SPG7: variants seen among roughly 807,000 people sequenced by gnomAD.
SPG7 encodes SPG7 matrix AAA peptidase subunit, paraplegin, also known as mitochondrial inner membrane m-AAA protease component paraplegin.
A neutral mutation model predicts 81.9 loss-of-function variants in SPG7; 103 were observed. The ratio of observed to expected loss-of-function variants is 1.26; its 90% CI spans 1.07 to 1.48. The LOEUF (loss-of-function observed/expected upper bound fraction) is 1.48. Among genes scored for constraint, SPG7 ranks in the 40% most tolerant of loss-of-function variants. SPG7 has a pLI of 0.00. For missense variants in SPG7, 1,241 were observed against 1,087.3 expected, an observed-to-expected ratio of 1.14 and a Z score of -1.99; for synonymous variants, 534 against 444.2, an observed-to-expected ratio of 1.20 and a Z score of -2.54.
intron 5 of SPG7, chr16:89,527,018 A>G (rs2058273024): frequency 4.1e-6 from 1 of 241,780 alleles, no homozygotes; most frequent in Admixed American, 5.2e-5. Flanking sequence ...AAATGCCGAA[A>G]TCTTTGTGTG....
intron 5 of SPG7, chr16:89,528,604 T>A (rs55684421): frequency 0.52 from 60,241 of 115,418 alleles, 13,354 homozygotes; most frequent in East Asian, 0.72. Context: ...TGGGATTTGC[T>A]TTTTTTTTTT....
chr16:89,546,405 T>TG, intron 10 of SPG7: 1 of 448,472 alleles, frequency 2.2e-6, no homozygotes, highest in Non-Finnish European at 4.2e-6. Context: ...TGGCCAGGCA[T>TG]GGTGGCTCAC....
Position 89,557,765 on chromosome 16 carries a change from T to G in SPG7, c.*672T>G, listed in dbSNP as rs1396291526. The G allele has an allele frequency of 6.5e-6, 1 of 153,314 alleles. No individual in the cohort carries two copies. Among genetic ancestry groups the G allele is most frequent in the African/African-American group, 2.4e-5 (1 of 41,476 alleles). 9.5% of individuals were successfully genotyped at this position (153,314 alleles called of 1,614,324 possible). The stretch of plus-strand genomic sequence containing the variant: ...TAATAAACTGTGTAGTTGGAAAATC[T>G]ACATTTGCATTGTCTGGCCAGCTCT... On this transcript the variant is annotated 3_prime_UTR_variant, in exon 17 of 17. Transcript: ENST00000645818.
chr16:89,513,547 A>G (rs1463809295), intron 3 of SPG7, among the ~76,000 whole-genome samples: 1 of 152,144 alleles, frequency 6.6e-6, no homozygotes, highest in Non-Finnish European at 1.5e-5. Flanking sequence ...TTAAATTTAA[A>G]AAGACCCTAT....
At chr16:89,524,861 C>T (rs1017941597) in intron 4 of SPG7, among the ~76,000 whole-genome samples, 8 of 152,088 alleles carry the variant, frequency 5.3e-5, no homozygotes, top group Non-Finnish European at 7.3e-5. Flanking sequence ...TGTGGCCCAC[C>T]CCCGGGTCTG....
At chr16:89,513,187 C>G in intron 3 of SPG7, 150 bp downstream of exon 3, 1 of 1,174,948 alleles carries the variant, frequency 8.5e-7, no homozygotes, top group Non-Finnish European at 1.2e-6. Context: ...CTTTGGGAGG[C>G]CCAGGTGGAA....
Position 89,508,560 on chromosome 16 carries a change from C to A in SPG7, c.143C>A (p.Pro48His). The A allele has an allele frequency of 6.7e-7, 1 of 1,497,024 alleles. No individual in the cohort carries two copies. 92.7% of individuals were successfully genotyped at this position (1,497,024 alleles called of 1,614,324 possible). A position where few individuals can be genotyped will look rare whatever the true frequency, so the allele number is the denominator to read the frequency against. Residue 48 changes from proline (P) to histidine (H), a missense_variant, in exon 1 of 17, where the codon CCT becomes CAT. Physicochemically the swap from Pro to His is moderately conservative, Grantham distance 77. Transcript: ENST00000645818. ...GGGCGGCCGTACATGGCCAGCAGGCCTCCGGGGGACCTCGCCGAGGCTGGA... is the reference window on the plus strand; with the variant it reads ...GGGCGGCCGTACATGGCCAGCAGGCATCCGGGGGACCTCGCCGAGGCTGGA... The part of the protein sequence containing the change: ...GRGRPYMASR[P>H]PGDLAEAGGR...
chr16:89,513,221 A>G (rs955404248), intron 3 of SPG7, among the ~76,000 whole-genome samples, 184 bp downstream of exon 3: 1 of 152,186 alleles, frequency 6.6e-6, no homozygotes, highest in Non-Finnish European at 1.5e-5. Flanking sequence ...CCTATACCAC[A>G]TAGCGAGACC....
intron 9 of SPG7, among the ~76,000 whole-genome samples, chr16:89,542,465 G>A (rs1396334894): frequency 1.3e-5 from 2 of 152,182 alleles, no homozygotes; most frequent in Non-Finnish European, 2.9e-5. Context: ...TTGCCTTGGC[G>A]AGGTGATTCT....
chr16:89,508,416 A>G lies in SPG7; in HGVS notation c.-2A>G. On this transcript the variant is annotated 5_prime_UTR_variant, in exon 1 of 17. Coordinates refer to ENST00000645818, the MANE Select transcript of SPG7 (RefSeq NM_003119.4). ...TCACGCAGGCGCGGCTTTCAGGCCA[A>G]CATGGCCGTGCTGCTGCTGCTGCTC... The G allele has an allele frequency of 6.7e-7, 1 of 1,487,570 alleles. No homozygotes were observed. The highest frequency in any genetic ancestry group is 1.3e-5 in the South Asian group (1 of 79,434). 92.1% of individuals were successfully genotyped at this position (1,487,570 alleles called of 1,614,324 possible). A position where few individuals can be genotyped will look rare whatever the true frequency, so the allele number is the denominator to read the frequency against.
chr16:89,541,392 A>AT, intron 9 of SPG7: 5 of 923,578 alleles, frequency 5.4e-6, no homozygotes, highest in Non-Finnish European at 6.5e-6. Context: ...CTTGTACGAA[A>AT]TTGTCAAAAT....
In SPG7 at chr16:89,550,627, C is replaced by T. The variant is rs763178336; in HGVS notation, c.1779+18C>T. On this transcript the variant is annotated intron_variant, in intron 13 of 16. Coordinates refer to ENST00000645818, the MANE Select transcript of SPG7 (RefSeq NM_003119.4). ...TGATGAAGGTGGGTCTTGGCAGGTG[C>T]CGGCTCCACGGGCCTTGGCCAAAGG... The T allele has an allele frequency of 1.9e-6, 3 of 1,577,616 alleles. No homozygotes were observed. Among genetic ancestry groups the T allele is most frequent in the Admixed American group, 3.3e-5 (2 of 59,964 alleles).
Position 89,513,006 on chromosome 16 carries a change from G to T in SPG7, c.345G>T (p.Lys115Asn), listed in dbSNP as rs1567896247. 1 of 1,613,196 alleles carries T rather than the reference G, an allele frequency of 6.2e-7. No individual in the cohort carries two copies. Among genetic ancestry groups the T allele is most frequent in the Admixed American group, 1.7e-5 (1 of 59,970 alleles). The change falls in exon 3 of 17, where the codon AAG becomes AAT. Residue 115 changes from lysine to asparagine, a missense_variant. Transcript: ENST00000645818. ...AGCAGAAGAATAAGGAGAAGGATAA[G>T]TCGAAGGGGAAGGCGCCTGAAGAGG... ...RLKQKNKEKD[K>N]SKGKAPEEDE... is the part of the protein sequence containing the mutation.
In SPG7 at chr16:89,529,594, T is replaced by C; in HGVS notation, c.861+15T>C. On this transcript the variant is annotated intron_variant, in intron 6 of 16. Transcript: ENST00000645818. ...TCAGTGCTTTTGTAAGTTCTGTAAA[T>C]CAGAGCTCTCTGAACTCTTTCTGGT... 1 of 1,558,038 alleles carries C rather than the reference T, an allele frequency of 6.4e-7. No homozygotes were observed. The highest frequency in any genetic ancestry group is 1.1e-5 in the South Asian group (1 of 89,732).
chr16:89,546,451 G>A (rs990111778), intron 10 of SPG7: 5 of 558,162 alleles, frequency 9.0e-6, no homozygotes, highest in Non-Finnish European at 1.7e-5. Flanking sequence ...GCCGAGGCAG[G>A]TGGATCACTT....
chr16:89,542,139 C>G (rs1395599502), intron 9 of SPG7: 1 of 152,360 alleles, frequency 6.6e-6, no homozygotes, highest in Non-Finnish European at 1.5e-5. Flanking sequence ...CGCACTGCAC[C>G]TCTTTGGCCT....
At chr16:89,530,931 A>G (rs900944465) in intron 7 of SPG7, 123 bp downstream of exon 7, 60 of 1,330,294 alleles carry the variant, frequency 4.5e-5, no homozygotes, top group Non-Finnish European at 5.9e-5. Flanking sequence ...GGTGACCTCT[A>G]CCATGTCCCA....
chr16:89,518,843 G>A (rs1003573767), intron 3 of SPG7: 1 of 152,254 alleles, frequency 6.6e-6, no homozygotes, highest in African/African-American at 2.4e-5. Flanking sequence ...GGCACACACT[G>A]CGCGTGTGTC....
chr16:89,536,921 C>T, intron 9 of SPG7: 4 of 1,614,162 alleles, frequency 2.5e-6, no homozygotes, highest in Non-Finnish European at 3.4e-6. Flanking sequence ...AGATAGAGAC[C>T]ACCTTTTTGA....
Sources: allele counts gnomAD v4.1 joint callset (sites outside exome capture counted in the v4.1 genomes callset), GRCh38; gene constraint gnomAD v4.1.1; transcripts MANE v1.5; gene names NCBI Gene and HGNC (gene_info 2026-07-23, HGNC 2026-07-21).